Variants in FAM83B observed in about 807,000 individuals in gnomAD.
FAM83B encodes protein FAM83B.
FAM83B carries 26 observed loss-of-function variants against 38.8 expected under a neutral mutation model. The observed-to-expected ratio is 0.67, with a 90% CI of 0.49 to 0.93. The LOEUF (loss-of-function observed/expected upper bound fraction) is 0.93, where lower values mean the gene tolerates loss of function less well. Among genes scored for constraint, FAM83B ranks in the 40% least tolerant of loss-of-function variants. FAM83B has a pLI of 0.00. For synonymous variants in FAM83B, 419 were observed against 423.1 expected (o/e 0.99, Z 0.12); for missense variants, 1,237 against 1,197.3 (o/e 1.03, Z -0.49).
chr6:54,880,441 C>CTT (rs1180941250), intron 2 of FAM83B, among the ~76,000 whole-genome samples: 1,322 of 106,174 alleles, frequency 0.012, 81 homozygotes, highest in African/African-American at 0.035. Context: ...TAGAAGGTTT[C>CTT]TTTTTTTTTT....
rs1343437849 is a variant in FAM83B at position 54,939,766 on chromosome 6, T to G, written c.795T>G (p.Leu265=). 1.1e-5 allele frequency: 17 copies of G among 1,613,768 alleles called. No individual in the cohort carries two copies. The highest frequency in any genetic ancestry group is 1.7e-5 in the Admixed American group (1 of 59,928). ...TGGTTCAGATAATTACAGGACAACT[T>G]GTTGAGTCCTTTGATGAAGAATTTA... ...LSMVQIITGQ[L]VESFDEEFRT... Residue 265 remains leucine (L), a synonymous_variant, in exon 5 of 5, where the codon CTT becomes CTG. Transcript: ENST00000306858.
chr6:54,854,755 G>A (rs143278000), intron 1 of FAM83B, among the ~76,000 whole-genome samples: 58 of 152,226 alleles, frequency 3.8e-4, no homozygotes, highest in African/African-American at 1.3e-3. Flanking sequence ...TATCTTCAGC[G>A]TATGCCTAGG....
Position 54,932,331 on chromosome 6 carries a change from G to A in FAM83B, c.734+4699G>A, listed in dbSNP as rs575270536. On this transcript the variant is annotated intron_variant, in intron 4 of 4. Transcript: ENST00000306858. ...ATGGCCTTACATAAAACATTTTAAA[G>A]TAATAGCATTTTATTTTAAACTGAT... Among the ~76,000 whole-genome samples the A allele has an allele frequency of 1.6e-3, 243 of 152,176 alleles. 3 individuals carry two copies. Among genetic ancestry groups the A allele is most frequent in the African/African-American group, 5.7e-3 (237 of 41,530 alleles).
At chr6:54,920,832 A>G (rs1250734137) in intron 2 of FAM83B, among the ~76,000 whole-genome samples, 5 of 151,934 alleles carry the variant, frequency 3.3e-5, no homozygotes, top group African/African-American at 1.2e-4. Flanking sequence ...TATGCGTATT[A>G]CTATCAGACA....
chr6:54,894,096 T>G (rs1194401518), intron 2 of FAM83B, among the ~76,000 whole-genome samples: 1 of 152,194 alleles, frequency 6.6e-6, no homozygotes, highest in Non-Finnish European at 1.5e-5. Context: ...TATTTTTCTG[T>G]AGAGGCTTAA....
Position 54,941,520 on chromosome 6 carries a change from C to T in FAM83B, c.2549C>T (p.Thr850Ile), listed in dbSNP as rs758079814. 6.2e-7 allele frequency: 1 copy of T among 1,614,020 alleles called. No homozygotes were observed. Among genetic ancestry groups the T allele is most frequent in the South Asian group, 1.1e-5 (1 of 91,074 alleles). The change falls in exon 5 of 5, where the codon ACA becomes ATA. Residue 850 changes from threonine (T) to isoleucine (I), a missense_variant. Transcript: ENST00000306858. ...GSIHKSKEDV[T>I]VSPSQEINAP... ...ATCCACAAGAGTAAGGAAGATGTAACAGTTAGCCCATCTCAAGAGATAAAT... is the reference window on the plus strand; with the variant it reads ...ATCCACAAGAGTAAGGAAGATGTAATAGTTAGCCCATCTCAAGAGATAAAT...
intron 1 of FAM83B, among the ~76,000 whole-genome samples, chr6:54,868,015 C>T (rs146463201): frequency 6.6e-6 from 1 of 152,206 alleles, no homozygotes; most frequent in African/African-American, 2.4e-5. Context: ...GAAAACTGTA[C>T]TTCAATAAAC....
intron 2 of FAM83B, among the ~76,000 whole-genome samples, chr6:54,910,549 A>G (rs1772881756): frequency 1.3e-5 from 2 of 152,162 alleles, no homozygotes; most frequent in African/African-American, 2.4e-5. Context: ...GCAGGAGAGT[A>G]GAACACTAGA....
intron 4 of FAM83B, among the ~76,000 whole-genome samples, chr6:54,930,898 A>G (rs936230161): frequency 1.3e-5 from 2 of 152,116 alleles, no homozygotes; most frequent in Non-Finnish European, 2.9e-5. Context: ...ATATTAAGTC[A>G]GAGGAGATAT....
chr6:54,887,219 C>G (rs1772298585), intron 2 of FAM83B, among the ~76,000 whole-genome samples: 1 of 152,128 alleles, frequency 6.6e-6, no homozygotes, highest in African/African-American at 2.4e-5. Context: ...GGATTTTATT[C>G]AACAAATACA....
At chr6:54,888,846 G>A (rs985584395) in intron 2 of FAM83B, among the ~76,000 whole-genome samples, 1 of 151,624 alleles carries the variant, frequency 6.6e-6, no homozygotes, top group African/African-American at 2.4e-5. Flanking sequence ...TCTACCTTCT[G>A]TTTCTCTTCT....
At chr6:54,862,830 G>A (rs1771616214) in intron 1 of FAM83B, among the ~76,000 whole-genome samples, 1 of 151,618 alleles carries the variant, frequency 6.6e-6, no homozygotes, top group Non-Finnish European at 1.5e-5. Context: ...GTTGCAGTGA[G>A]CCGAGATCGC....
intron 1 of FAM83B, among the ~76,000 whole-genome samples, chr6:54,859,653 C>T (rs886696484): frequency 7.2e-5 from 11 of 152,156 alleles, no homozygotes; most frequent in African/African-American, 2.7e-4. Flanking sequence ...TACTAGCCCC[C>T]GAGTGTTAGG....
At chr6:54,930,992 T>C (rs1407137210) in intron 4 of FAM83B, among the ~76,000 whole-genome samples, 1 of 152,122 alleles carries the variant, frequency 6.6e-6, no homozygotes, top group Non-Finnish European at 1.5e-5. Flanking sequence ...TTTTGATATC[T>C]TGTGTTTTTA....
chr6:54,943,448 A>C lies in FAM83B; in HGVS notation c.*1441A>C, dbSNP rs940204660. On this transcript the variant is annotated 3_prime_UTR_variant, in exon 5 of 5. Coordinates refer to ENST00000306858, the MANE Select transcript of FAM83B (RefSeq NM_001010872.3). ...TGTGAGAAGTGTGAAGTGTTTGTAC[A>C]TCACTTTAAATATATTACTTAATAT... 1 of 152,204 alleles carries C rather than the reference A, an allele frequency of 6.6e-6. No individual in the cohort carries two copies. The highest frequency in any genetic ancestry group is 2.4e-5 in the African/African-American group (1 of 41,460). 9.4% of individuals were successfully genotyped at this position (152,204 alleles called of 1,614,324 possible). A position where few individuals can be genotyped will look rare whatever the true frequency, so the allele number is the denominator to read the frequency against.
intron 2 of FAM83B, among the ~76,000 whole-genome samples, chr6:54,897,096 T>C (rs1367290685): frequency 6.6e-6 from 1 of 152,146 alleles, no homozygotes; most frequent in African/African-American, 2.4e-5. Context: ...GTTAATATTA[T>C]TGTCACTGCC....
At chr6:54,877,280 A>G (rs1410097149) in intron 2 of FAM83B, among the ~76,000 whole-genome samples, 1 of 152,194 alleles carries the variant, frequency 6.6e-6, no homozygotes, top group Non-Finnish European at 1.5e-5. Context: ...GTACACATTG[A>G]GGCATCTTAT....
chr6:54,855,087 A>G (rs1200550591), intron 1 of FAM83B, among the ~76,000 whole-genome samples: 1 of 152,200 alleles, frequency 6.6e-6, no homozygotes, highest in African/African-American at 2.4e-5. Flanking sequence ...AAAATTGATT[A>G]TAAGTTCAAA....
At chr6:54,916,384 T>A (rs1450971992) in intron 2 of FAM83B, among the ~76,000 whole-genome samples, 1 of 152,160 alleles carries the variant, frequency 6.6e-6, no homozygotes, top group African/African-American at 2.4e-5. Context: ...GGAGAATTTT[T>A]TTTTCTTTAA....
Sources: gnomAD v4.1 joint callset for allele counts (sites outside exome capture counted in the v4.1 genomes callset) on GRCh38, gnomAD v4.1.1 for gene constraint, MANE v1.5 for transcripts, NCBI Gene and HGNC (gene_info 2026-07-23, HGNC 2026-07-21) for gene names.